The following PLCL1 variants were observed in gnomAD, a reference collection of about 807,000 sequenced individuals.
PLCL1 encodes the protein phospholipase C like 1 (inactive).
Under a neutral mutation model 84.4 loss-of-function variants are expected in PLCL1, and 41 were observed. That is an observed-to-expected ratio of 0.49 (90% confidence interval 0.38 to 0.63). The LOEUF (loss-of-function observed/expected upper bound fraction) is 0.63. PLCL1 is among the 30% of genes least tolerant of loss of function. The pLI is 0.00. For synonymous variants in PLCL1, 490 were observed against 488.3 expected (o/e 1.00, Z -0.05); for missense variants, 1,206 against 1,367.8 (o/e 0.88, Z 1.87).
intron 1 of PLCL1, among the ~76,000 whole-genome samples, chr2:198,074,483 A>G (rs1421200475): frequency 1.3e-5 from 2 of 152,218 alleles, no homozygotes; most frequent in Non-Finnish European, 2.9e-5. Flanking sequence ...ACTAAAATCA[A>G]TGAAAATAAT....
chr2:197,973,150 C>T (rs1175664466), intron 1 of PLCL1, among the ~76,000 whole-genome samples: 7 of 152,150 alleles, frequency 4.6e-5, no homozygotes, highest in East Asian at 3.8e-4. Context: ...CTTCATGAGG[C>T]GAGTCCCTAC....
intron 1 of PLCL1, among the ~76,000 whole-genome samples, chr2:198,077,982 A>T (rs914749129): frequency 6.6e-6 from 1 of 152,060 alleles, no homozygotes; most frequent in African/African-American, 2.4e-5. Context: ...CATCCTTTTT[A>T]TTAGGAATCC....
chr2:197,969,900 C>A (rs538654039), intron 1 of PLCL1, among the ~76,000 whole-genome samples: 3 of 152,290 alleles, frequency 2.0e-5, no homozygotes, highest in Non-Finnish European at 4.4e-5. Flanking sequence ...CTGCAAAGTG[C>A]ATGTAGTTTA....
chr2:197,985,093 A>G (rs1690193643), intron 1 of PLCL1, among the ~76,000 whole-genome samples: 1 of 152,176 alleles, frequency 6.6e-6, no homozygotes, highest in South Asian at 2.1e-4. Context: ...AGAAATTCCC[A>G]GATGTACTAC....
At chr2:198,055,709 G>A (rs1692054700) in intron 1 of PLCL1, among the ~76,000 whole-genome samples, 1 of 151,722 alleles carries the variant, frequency 6.6e-6, no homozygotes, top group South Asian at 2.1e-4. Flanking sequence ...CTGATCTCAG[G>A]GAGCAAACAG....
Position 198,085,977 on chromosome 2 carries a change from G to A in PLCL1, c.2460G>A (p.Gln820=), listed in dbSNP as rs1402624656. The change falls in exon 2 of 6, where the codon CAG becomes CAA. Residue 820 remains glutamine, a synonymous_variant. Coordinates refer to ENST00000428675, the MANE Select transcript of PLCL1 (RefSeq NM_006226.4). This position sits in a 1 kb window ranked among gnomAD's most constrained non-coding sequence, Gnocchi z 5.3. ...GQYTIPFECL[Q]PGYRHVPLRS... is the part of the protein sequence containing the mutation. ...ATACGATACCATTTGAATGTTTGCAGCCTGGATATCGGCATGTTCCCCTGC... is the reference window on the plus strand; with the variant it reads ...ATACGATACCATTTGAATGTTTGCAACCTGGATATCGGCATGTTCCCCTGC... The A allele has an allele frequency of 6.2e-7, 1 of 1,614,122 alleles. No individual in the cohort carries two copies. The highest frequency in any genetic ancestry group is 8.5e-7 in the Non-Finnish European group (1 of 1,179,994).
intron 1 of PLCL1, among the ~76,000 whole-genome samples, chr2:198,083,429 A>G (rs1692769945): frequency 6.6e-6 from 1 of 152,184 alleles, no homozygotes; most frequent in Admixed American, 6.5e-5. Context: ...TTACGTATCT[A>G]TTGGGAATTG....
At chr2:198,050,463 A>T (rs999791790) in intron 1 of PLCL1, among the ~76,000 whole-genome samples, 1 of 152,068 alleles carries the variant, frequency 6.6e-6, no homozygotes, top group African/African-American at 2.4e-5. Context: ...GACAAAGAAG[A>T]TATCATCTAT....
intron 1 of PLCL1, among the ~76,000 whole-genome samples, chr2:198,076,367 C>T (rs1042330029): frequency 5.9e-5 from 9 of 152,128 alleles, no homozygotes; most frequent in Non-Finnish European, 1.0e-4. Flanking sequence ...GGCTTTAGTG[C>T]GTTTTATTAA....
At chr2:197,872,794 A>G (rs1319767608) in intron 1 of PLCL1, among the ~76,000 whole-genome samples, 1 of 152,160 alleles carries the variant, frequency 6.6e-6, no homozygotes, top group Non-Finnish European at 1.5e-5. Flanking sequence ...AGCTTGAGTA[A>G]AAGATTTCTT....
intron 1 of PLCL1, among the ~76,000 whole-genome samples, chr2:197,882,150 A>AG (rs1267181463): frequency 6.6e-6 from 1 of 152,092 alleles, no homozygotes; most frequent in Non-Finnish European, 1.5e-5. Context: ...GTGGAGGGGG[A>AG]GGAGCCAAGG....
chr2:197,866,172 T>A (rs1156362658), intron 1 of PLCL1, among the ~76,000 whole-genome samples: 2 of 88,088 alleles, frequency 2.3e-5, no homozygotes, highest in East Asian at 2.6e-4. Context: ...TATATATATA[T>A]AAACTATATA....
At chr2:197,864,821 A>G (rs767592405) in intron 1 of PLCL1, among the ~76,000 whole-genome samples, 21 of 152,200 alleles carry the variant, frequency 1.4e-4, no homozygotes, top group Non-Finnish European at 2.6e-4. Flanking sequence ...ACATTTTTAT[A>G]CAGTATAAAA....
intron 1 of PLCL1, among the ~76,000 whole-genome samples, chr2:197,970,219 T>A (rs191173906): frequency 6.6e-6 from 1 of 152,254 alleles, no homozygotes; most frequent in Admixed American, 6.5e-5. Flanking sequence ...TATCCTATGG[T>A]GGGAGGTAAG....
chr2:197,993,640 T>C (rs1690392301), intron 1 of PLCL1, among the ~76,000 whole-genome samples: 1 of 152,118 alleles, frequency 6.6e-6, no homozygotes, highest in Non-Finnish European at 1.5e-5. Flanking sequence ...TAGAGAGAGC[T>C]ACATCTGCAG....
intron 1 of PLCL1, among the ~76,000 whole-genome samples, chr2:197,940,498 A>G (rs1333466589): frequency 2.0e-5 from 3 of 152,168 alleles, no homozygotes; most frequent in Non-Finnish European, 2.9e-5. Context: ...ATTCAGGCCA[A>G]TTTCTGTGTT....
chr2:197,992,977 T>G (rs954264451), intron 1 of PLCL1, among the ~76,000 whole-genome samples: 5 of 152,254 alleles, frequency 3.3e-5, no homozygotes, highest in Admixed American at 6.5e-5. Flanking sequence ...AACATAGGTA[T>G]GCAAATATCT....
At chr2:197,906,342 T>G (rs985412757) in intron 1 of PLCL1, among the ~76,000 whole-genome samples, 5 of 151,908 alleles carry the variant, frequency 3.3e-5, no homozygotes, top group Admixed American at 6.6e-5. Flanking sequence ...TTTTTTTTTT[T>G]GTCAGGTTTG....
At chr2:197,895,434 C>G (rs566787810) in intron 1 of PLCL1, among the ~76,000 whole-genome samples, 53 of 151,828 alleles carry the variant, frequency 3.5e-4, no homozygotes, top group African/African-American at 1.2e-3. Context: ...ACATATAAAG[C>G]AAATTTCCAT....
Sources: gnomAD v4.1 joint callset for allele counts (sites outside exome capture counted in the v4.1 genomes callset) on GRCh38, gnomAD v4.1.1 for gene constraint, Gnocchi (gnomAD v3.1) non-coding constraint, MANE v1.5 for transcripts, NCBI Gene and HGNC (gene_info 2026-07-23, HGNC 2026-07-21) for gene names.